LOC400499: variants seen among roughly 807,000 people sequenced by gnomAD.
chr16:11,385,236 G>A, the LOC400499 span: 11 of 1,232,182 alleles, frequency 8.9e-6, no homozygotes, highest in Admixed American at 4.2e-5. Flanking sequence ...GAGGATGAGG[G>A]TCTTGTGGTT....
At chr16:11,409,715 A>G in the LOC400499 span, among the ~76,000 whole-genome samples, 3 of 152,264 alleles carry the variant, frequency 2.0e-5, no homozygotes, top group Non-Finnish European at 4.4e-5. Flanking sequence ...TTCAACGTTC[A>G]GTTTCTGGAA....
the LOC400499 span, chr16:11,412,964 A>T: frequency 2.5e-6 from 1 of 399,176 alleles, no homozygotes; most frequent in Non-Finnish European, 4.4e-6. Context: ...CTGAGGAGGG[A>T]GCAGGCTGTG....
At chr16:11,402,230 T>C in the LOC400499 span, 1 of 398,236 alleles carries the variant, frequency 2.5e-6, no homozygotes, top group Admixed American at 4.4e-5. Flanking sequence ...CCCAAGGGGG[T>C]TCAGGGGACT....
chr16:11,378,154 C>G, the LOC400499 span, among the ~76,000 whole-genome samples: 9 of 151,886 alleles, frequency 5.9e-5, no homozygotes, highest in Non-Finnish European at 1.3e-4. Flanking sequence ...CCAAGCTAGT[C>G]TCAAACTCCT....
the LOC400499 span, among the ~76,000 whole-genome samples, chr16:11,406,928 G>T: frequency 6.6e-6 from 1 of 152,184 alleles, no homozygotes; most frequent in African/African-American, 2.4e-5. Context: ...AATCTCCCCC[G>T]CTAGAGTGGA....
the LOC400499 span, among the ~76,000 whole-genome samples, chr16:11,489,909 G>T: frequency 6.6e-6 from 1 of 152,220 alleles, no homozygotes; most frequent in Non-Finnish European, 1.5e-5. Context: ...AAGGGCCAAA[G>T]GTAGCTGTGC....
At chr16:11,428,081 C>T in the LOC400499 span, among the ~76,000 whole-genome samples, 1 of 152,334 alleles carries the variant, frequency 6.6e-6, no homozygotes, top group South Asian at 2.1e-4. Context: ...CTACTCCAGA[C>T]AGAGCAGCCC....
the LOC400499 span, among the ~76,000 whole-genome samples, chr16:11,393,794 C>T: frequency 1.1e-3 from 172 of 152,268 alleles, 5 homozygotes; most frequent in East Asian, 0.029. Context: ...GAAAATACTC[C>T]GGGCCAGGAT....
At chr16:11,481,630 A>C in the LOC400499 span, among the ~76,000 whole-genome samples, 22 of 148,818 alleles carry the variant, frequency 1.5e-4, no homozygotes, top group Non-Finnish European at 2.1e-4. Flanking sequence ...GCCCTATTTT[A>C]TTTTTTATTT....
At chr16:11,520,545 T>C in the LOC400499 span, among the ~76,000 whole-genome samples, 1 of 151,872 alleles carries the variant, frequency 6.6e-6, no homozygotes, top group African/African-American at 2.4e-5. Context: ...GCACTACCAG[T>C]AATCTCAGCT....
the LOC400499 span, chr16:11,471,506 T>G: frequency 2.5e-6 from 1 of 397,740 alleles, no homozygotes; most frequent in East Asian, 3.6e-5. Flanking sequence ...AATCAGCATG[T>G]GCAAACGTCC....
At chr16:11,478,420 G>C in the LOC400499 span, 2 of 397,806 alleles carry the variant, frequency 5.0e-6, no homozygotes, top group Admixed American at 8.8e-5. Context: ...GGAGGTAAAC[G>C]GAAGAGCTGG....
the LOC400499 span, chr16:11,446,818 C>T: frequency 1.3e-6 from 2 of 1,536,168 alleles, no homozygotes; most frequent in Non-Finnish European, 8.7e-7. Context: ...CAGGACAACC[C>T]TAGTCTCCAG....
At chr16:11,391,839 T>G in the LOC400499 span, 2 of 1,231,886 alleles carry the variant, frequency 1.6e-6, no homozygotes, top group Non-Finnish European at 2.0e-6. Flanking sequence ...TGCCACGCCG[T>G]CCAGGGTGCC....
At chr16:11,475,335 TAATA>T in the LOC400499 span, among the ~76,000 whole-genome samples, 10 of 151,954 alleles carry the variant, frequency 6.6e-5, no homozygotes, top group Non-Finnish European at 1.0e-4. Context: ...AAAATAAAAA[TAATA>T]AATAAACAAA....
At chr16:11,464,344 T>G in the LOC400499 span, among the ~76,000 whole-genome samples, 1 of 152,248 alleles carries the variant, frequency 6.6e-6, no homozygotes, top group East Asian at 1.9e-4. Context: ...GGCTGTGCAG[T>G]GCTCGTCAGA....
the LOC400499 span, chr16:11,392,684 C>T: frequency 2.8e-5 from 22 of 779,992 alleles, no homozygotes; most frequent in South Asian, 5.6e-5. Context: ...CTTCTGTCCC[C>T]TCCCCCGACA....
the LOC400499 span, chr16:11,460,998 C>A: frequency 6.5e-7 from 1 of 1,535,830 alleles, no homozygotes; most frequent in African/African-American, 1.4e-5. Context: ...GGGAGTTGGT[C>A]CAGAGCTGGC....
chr16:11,385,115 C>T, the LOC400499 span: 1 of 1,231,834 alleles, frequency 8.1e-7, no homozygotes, highest in Non-Finnish European at 1.0e-6. Context: ...AGCCAGGTGA[C>T]AAGCTTGAAA....
Sources: gnomAD v4.1 joint callset for allele counts (sites outside exome capture counted in the v4.1 genomes callset) on GRCh38, gnomAD v4.1.1 for gene constraint, MANE v1.5 for transcripts.